Variants in RASGEF1B observed in about 807,000 individuals in gnomAD.
RASGEF1B encodes the protein ras-GEF domain-containing family member 1B.
A neutral mutation model predicts 65.7 loss-of-function variants in RASGEF1B; 30 were observed. That is an observed-to-expected ratio of 0.46 (90% CI 0.34 to 0.62). RASGEF1B has a LOEUF of 0.62. Ranked by LOEUF, RASGEF1B falls within the 20% of genes least tolerant of loss-of-function variation. RASGEF1B has a pLI of 0.01. For missense variants in RASGEF1B, 495 were observed against 580.1 expected, an observed-to-expected ratio of 0.85 and a Z score of 1.51; for synonymous variants, 175 against 194.8, an observed-to-expected ratio of 0.90 and a Z score of 0.85.
chr4:81,457,384 G>A, intron 3 of RASGEF1B, 115 bp downstream of exon 3: 1 of 921,748 alleles, frequency 1.1e-6, no homozygotes. Flanking sequence ...TAGCCATGAT[G>A]CCATTTATGC....
intron 10 of RASGEF1B, among the ~76,000 whole-genome samples, chr4:81,438,766 CCT>C (rs1019328630): frequency 6.6e-6 from 1 of 151,664 alleles, no homozygotes; most frequent in African/African-American, 2.4e-5. Context: ...TTGTCCCCTC[CCT>C]GTGTCCATGT....
intron 4 of RASGEF1B, among the ~76,000 whole-genome samples, chr4:81,450,429 G>C (rs1722212983): frequency 6.6e-6 from 1 of 152,100 alleles, no homozygotes; most frequent in Non-Finnish European, 1.5e-5. Flanking sequence ...GTAGTGGTGT[G>C]ATCTCAGCTC....
intron 1 of RASGEF1B, among the ~76,000 whole-genome samples, chr4:81,465,019 G>C (rs1303551132): frequency 6.6e-6 from 1 of 151,720 alleles, no homozygotes; most frequent in African/African-American, 2.4e-5. Context: ...GGGAAGCGGA[G>C]GTTGTTGTGA....
intron 3 of RASGEF1B, 133 bp from the exon 4 acceptor site, chr4:81,456,921 C>A (rs987678374): frequency 1.1e-5 from 8 of 757,564 alleles, no homozygotes; most frequent in South Asian, 1.9e-5. Flanking sequence ...CTCCAGCCCC[C>A]CTCCCTCCAT....
Position 81,466,773 on chromosome 4 carries a change from AG to A in RASGEF1B, c.-7+4996del, listed in dbSNP as rs370608431. ...GCCTCCATGTCAAAAAAAAAAAAAA[AG>A]AAAGAAAGAAAGAAAGAAAGAAAGA... On this transcript the variant is annotated intron_variant, in intron 1 of 13. Transcript: ENST00000264400. Among the ~76,000 whole-genome samples the A allele has an allele frequency of 8.0e-3, 648 of 81,000 alleles. 2 individuals carry two copies. The highest frequency in any genetic ancestry group is 0.018 in the African/African-American group (273 of 15,062). 53.1% of individuals were successfully genotyped at this position (81,000 alleles called of 152,430 possible).
chr4:81,444,392 G>A (rs898137166), intron 8 of RASGEF1B, among the ~76,000 whole-genome samples: 1 of 152,216 alleles, frequency 6.6e-6, no homozygotes, highest in Admixed American at 6.5e-5. Flanking sequence ...ATTTTTTATG[G>A]GGGGAGAGAA....
chr4:81,445,614 T>C lies in RASGEF1B; in HGVS notation c.840A>G (p.Lys280=). The C allele has an allele frequency of 6.2e-7, 1 of 1,613,798 alleles. No individual in the cohort carries two copies. The highest frequency in any genetic ancestry group is 8.5e-7 in the Non-Finnish European group (1 of 1,179,748). Residue 280 remains lysine (K), a synonymous_variant, in exon 8 of 14, where the codon AAA becomes AAG. Transcript: ENST00000264400. ...ATEICMPVKK[K]HRARMIEYFI... Reference sequence around the variant, plus strand: ...AATACTCAATCATTCTTGCTCGGTGTTTTTTCTTAACAGGCTACACAGTAA... The same window carrying C: ...AATACTCAATCATTCTTGCTCGGTGCTTTTTCTTAACAGGCTACACAGTAA...
intron 9 of RASGEF1B, among the ~76,000 whole-genome samples, chr4:81,441,322 C>G (rs1721828062): frequency 6.6e-6 from 1 of 151,892 alleles, no homozygotes; most frequent in Admixed American, 6.6e-5. Flanking sequence ...AAATCATGCA[C>G]AAATAATTGA....
At chr4:81,464,544 T>C (rs1331560368) in intron 1 of RASGEF1B, among the ~76,000 whole-genome samples, 2 of 152,236 alleles carry the variant, frequency 1.3e-5, no homozygotes, top group Non-Finnish European at 2.9e-5. Flanking sequence ...ACTCAGAGTA[T>C]ATTCAATTCA....
chr4:81,463,434 G>A (rs1722711156), intron 1 of RASGEF1B, among the ~76,000 whole-genome samples: 2 of 152,170 alleles, frequency 1.3e-5, no homozygotes. Context: ...CATCTAACGA[G>A]GGATAGCCTC....
intron 1 of RASGEF1B, among the ~76,000 whole-genome samples, chr4:81,460,373 C>T (rs1722601770): frequency 6.6e-6 from 1 of 152,184 alleles, no homozygotes; most frequent in African/African-American, 2.4e-5. Context: ...AACAGACTCC[C>T]AGTCTCTGGC....
intron 10 of RASGEF1B, among the ~76,000 whole-genome samples, chr4:81,436,913 A>G (rs1023854916): frequency 6.6e-6 from 1 of 152,228 alleles, no homozygotes; most frequent in African/African-American, 2.4e-5. Flanking sequence ...ACCTAAATAT[A>G]CTTTTAATCA....
At chr4:81,467,026 G>T (rs1211045496) in intron 1 of RASGEF1B, among the ~76,000 whole-genome samples, 1 of 151,014 alleles carries the variant, frequency 6.6e-6, no homozygotes, top group Admixed American at 6.6e-5. Context: ...TCACTTCTTT[G>T]GTATGTGAAC....
chr4:81,447,638 A>G, intron 5 of RASGEF1B, 60 bp from the exon 6 acceptor site: 1 of 1,251,310 alleles, frequency 8.0e-7, no homozygotes, highest in East Asian at 2.3e-5. Context: ...ATGGACTGTC[A>G]ACTCCCTCTA....
intron 4 of RASGEF1B, chr4:81,450,934 T>C (rs1290392349): frequency 1.3e-5 from 2 of 152,164 alleles, no homozygotes; most frequent in African/African-American, 4.8e-5. Context: ...GTCCAAAATG[T>C]CATAACAAAT....
intron 4 of RASGEF1B, among the ~76,000 whole-genome samples, chr4:81,449,356 C>G (rs559507422): frequency 6.6e-6 from 1 of 152,288 alleles, no homozygotes; most frequent in African/African-American, 2.4e-5. Flanking sequence ...TTTAAAAAAG[C>G]ACTGCATGTA....
chr4:81,442,407 A>G (rs201509619), intron 8 of RASGEF1B, 31 bp from the exon 9 acceptor site: 11 of 1,292,186 alleles, frequency 8.5e-6, no homozygotes, highest in Non-Finnish European at 1.1e-5. Context: ...GGGAGAAAAA[A>G]GGAAAATTGA....
chr4:81,456,453 A>T, intron 4 of RASGEF1B, 198 bp downstream of exon 4: 1 of 700,270 alleles, frequency 1.4e-6, no homozygotes, highest in Non-Finnish European at 2.6e-6. Context: ...ATAAAACTCT[A>T]GATCATATCC....
chr4:81,466,193 G>C (rs1722797471), intron 1 of RASGEF1B, among the ~76,000 whole-genome samples: 1 of 152,184 alleles, frequency 6.6e-6, no homozygotes. Flanking sequence ...CTAGATGCCA[G>C]AGAAACTTTG....
Sources: allele counts gnomAD v4.1 joint callset (sites outside exome capture counted in the v4.1 genomes callset), GRCh38; gene constraint gnomAD v4.1.1; transcripts MANE v1.5; gene names NCBI Gene and HGNC (gene_info 2026-07-23, HGNC 2026-07-21).